Variants in PDE10A observed in about 807,000 individuals in gnomAD.
PDE10A encodes the protein cAMP and cAMP-inhibited cGMP 3',5'-cyclic phosphodiesterase 10A.
A neutral mutation model predicts 97.7 loss-of-function variants in PDE10A; 39 were observed. The ratio of observed to expected loss-of-function variants is 0.40; its 90% confidence interval spans 0.31 to 0.52. The LOEUF (loss-of-function observed/expected upper bound fraction) is 0.52, where lower values mean the gene tolerates loss of function less well. PDE10A is among the 20% of genes least tolerant of loss of function. The pLI, the probability that PDE10A is intolerant of heterozygous loss-of-function variation, is 0.56. For synonymous variants in PDE10A, 371 were observed against 376.8 expected (o/e 0.98, Z 0.18); for missense variants, 731 against 1,047.8 (o/e 0.70, Z 4.17).
intron 1 of PDE10A, among the ~76,000 whole-genome samples, chr6:165,627,352 T>C (rs1036110249): frequency 2.6e-4 from 40 of 152,232 alleles, no homozygotes; most frequent in African/African-American, 9.4e-4. Context: ...ATTTTGTTTC[T>C]ATTAGTACAT....
chr6:165,609,454 G>T (rs1787385809), intron 1 of PDE10A, among the ~76,000 whole-genome samples: 1 of 152,192 alleles, frequency 6.6e-6, no homozygotes. Flanking sequence ...GCACAAGACA[G>T]GGATGCCCTC....
intron 10 of PDE10A, among the ~76,000 whole-genome samples, chr6:165,425,227 T>G (rs1789027674): frequency 6.6e-6 from 1 of 152,118 alleles, no homozygotes; most frequent in Non-Finnish European, 1.5e-5. Flanking sequence ...GTCAACAATT[T>G]TTTAAAAAAA....
chr6:165,636,548 AT>A (rs1401486244), intron 1 of PDE10A, among the ~76,000 whole-genome samples: 1 of 152,198 alleles, frequency 6.6e-6, no homozygotes, highest in Non-Finnish European at 1.5e-5. Flanking sequence ...GAAACCTCAC[AT>A]TCCAGACGTT....
chr6:165,822,717 G>A (rs190105280), intron 1 of PDE10A, among the ~76,000 whole-genome samples: 220 of 152,134 alleles, frequency 1.4e-3, no homozygotes, highest in Non-Finnish European at 2.5e-3. Context: ...TGAAGGCCTC[G>A]GACATGGCGT....
intron 2 of PDE10A, among the ~76,000 whole-genome samples, chr6:165,500,338 A>G (rs1173646857): frequency 6.6e-6 from 1 of 152,196 alleles, no homozygotes; most frequent in Non-Finnish European, 1.5e-5. Flanking sequence ...AAGTAGACAT[A>G]AGAGACTCCA....
intron 1 of PDE10A, among the ~76,000 whole-genome samples, chr6:165,653,640 T>C (rs1343537967): frequency 6.6e-6 from 1 of 152,032 alleles, no homozygotes; most frequent in Non-Finnish European, 1.5e-5. Context: ...TACCAGCGGC[T>C]CTCCAGAACG....
intron 1 of PDE10A, among the ~76,000 whole-genome samples, chr6:165,891,185 T>A (rs865854038): frequency 6.6e-6 from 1 of 152,256 alleles, no homozygotes; most frequent in Non-Finnish European, 1.5e-5. Flanking sequence ...TCCAAACATC[T>A]GGAAAGTAGC....
rs918563404 is a variant in PDE10A at position 165,944,831 on chromosome 6, G to GA, written c.-615+42697dup. Among the ~76,000 whole-genome samples the GA allele has an allele frequency of 1.7e-4, 26 of 151,110 alleles. No homozygotes were observed. In the East Asian group the frequency reaches 2.3e-3, roughly 13 times the overall value. ...ATGTCACTGTGCAAAGAAAATTTTT[G>GA]AAAAAAAAGTATCTTCTATACTTAA... On this transcript the variant is annotated intron_variant, in intron 1 of 19. Transcript: ENST00000366882.
chr6:165,338,924 C>A (rs779114724), intron 20 of PDE10A, among the ~76,000 whole-genome samples: 1 of 152,182 alleles, frequency 6.6e-6, no homozygotes, highest in Non-Finnish European at 1.5e-5. Context: ...GGCAGCCAGA[C>A]CCTCAGGATT....
At chr6:165,704,378 A>G (rs1791656667) in intron 1 of PDE10A, among the ~76,000 whole-genome samples, 1 of 152,242 alleles carries the variant, frequency 6.6e-6, no homozygotes, top group African/African-American at 2.4e-5. Flanking sequence ...CCAGTACGGT[A>G]GGATATACTC....
chr6:165,717,854 C>T lies in PDE10A; in HGVS notation c.-614-174286G>A, dbSNP rs115328032. Among the ~76,000 whole-genome samples the T allele has an allele frequency of 3.9e-3, 591 of 152,284 alleles. 3 individuals carry two copies. Among genetic ancestry groups the T allele is most frequent in the African/African-American group, 0.013 (554 of 41,556 alleles). On this transcript the variant is annotated intron_variant, in intron 1 of 19. Transcript: ENST00000366882. Reference sequence around the variant, plus strand: ...GGTAATGTCTGGGGATGTCGAGCTCCTATTCATGTGCTTGCTGGCCATCTG... The same window carrying T: ...GGTAATGTCTGGGGATGTCGAGCTCTTATTCATGTGCTTGCTGGCCATCTG...
At chr6:165,908,802 A>G (rs1447569722) in intron 1 of PDE10A, 1 of 152,246 alleles carries the variant, frequency 6.6e-6, no homozygotes, top group Non-Finnish European at 1.5e-5. Flanking sequence ...TGTGTTTTCC[A>G]TGGCACCCTA....
intron 3 of PDE10A, among the ~76,000 whole-genome samples, chr6:165,477,570 ATACAG>A (rs933925575): frequency 2.8e-4 from 43 of 152,178 alleles, no homozygotes; most frequent in African/African-American, 1.0e-3. Flanking sequence ...GTAGGTTAAG[ATACAG>A]TAGTTTCAAA....
At chr6:165,797,836 G>A (rs1268179153) in intron 1 of PDE10A, among the ~76,000 whole-genome samples, 1 of 152,150 alleles carries the variant, frequency 6.6e-6, no homozygotes. Flanking sequence ...TTTCTAAGCA[G>A]AGAACAGAAA....
At chr6:165,956,267 T>A (rs1300351181) in intron 1 of PDE10A, among the ~76,000 whole-genome samples, 2 of 152,202 alleles carry the variant, frequency 1.3e-5, no homozygotes, top group East Asian at 3.8e-4. Context: ...ACCCAAATAC[T>A]ATTATTTATT....
chr6:165,450,430 G>T, intron 3 of PDE10A, 68 bp from the exon 4 acceptor site: 1 of 816,176 alleles, frequency 1.2e-6, no homozygotes, highest in Non-Finnish European at 1.9e-6. Context: ...TCCTTAGTCT[G>T]TAAGACATAC....
chr6:165,847,149 A>G (rs1457874009), intron 1 of PDE10A, among the ~76,000 whole-genome samples: 7 of 152,210 alleles, frequency 4.6e-5, no homozygotes, highest in Admixed American at 4.6e-4. Flanking sequence ...CAGCAGATAG[A>G]GCCAGACAGG....
At chr6:165,794,243 A>C (rs1458313400) in intron 1 of PDE10A, among the ~76,000 whole-genome samples, 1 of 150,694 alleles carries the variant, frequency 6.6e-6, no homozygotes, top group Non-Finnish European at 1.5e-5. Context: ...TCCCACACGC[A>C]CACCTGCTCA....
chr6:165,941,946 C>T (rs1380243620), intron 1 of PDE10A, among the ~76,000 whole-genome samples: 1 of 152,124 alleles, frequency 6.6e-6, no homozygotes, highest in Non-Finnish European at 1.5e-5. Context: ...CAAGATCTTC[C>T]CTGGGCACTT....
Sources: allele counts gnomAD v4.1 joint callset (sites outside exome capture counted in the v4.1 genomes callset), GRCh38; gene constraint gnomAD v4.1.1; transcripts MANE v1.5; gene names NCBI Gene and HGNC (gene_info 2026-07-23, HGNC 2026-07-21).